TAS1R1: variants seen among roughly 807,000 people sequenced by gnomAD.
The protein encoded by TAS1R1 is taste receptor type 1 member 1.
Under a neutral mutation model 45.8 loss-of-function variants are expected in TAS1R1, and 31 were observed. That is an observed-to-expected ratio of 0.68 (90% CI 0.51 to 0.91). The LOEUF is 0.91. Ranked by LOEUF, TAS1R1 falls within the 40% of genes least tolerant of loss-of-function variation. TAS1R1 has a pLI of 0.00. For synonymous variants in TAS1R1, 437 were observed against 448.4 expected (o/e 0.97, Z 0.32); for missense variants, 1,051 against 1,063.9 (o/e 0.99, Z 0.17).
At position 6,555,967 on chromosome 1, in the gene TAS1R1, G is replaced by C. The variant is rs549373406; in HGVS notation, c.191+403G>C. Among the ~76,000 whole-genome samples the C allele has an allele frequency of 7.2e-5, 10 of 139,306 alleles. No homozygotes were observed. In the South Asian group the frequency reaches 2.3e-3, roughly 32 times the overall value. 91.4% of individuals were successfully genotyped at this position (139,306 alleles called of 152,430 possible). A position where few individuals can be genotyped will look rare whatever the true frequency, so the allele number is the denominator to read the frequency against. On this transcript the variant is annotated intron_variant, in intron 1 of 5. Transcript: ENST00000333172. ...GCTCACTGCAAGCTCCGCCTTCCGG[G>C]TTCACGCCATTCTCCTGCCTCAGCC...
chr1:6,569,569 G>T (rs1639956604), intron 1 of TAS1R1, among the ~76,000 whole-genome samples: 2 of 152,158 alleles, frequency 1.3e-5, no homozygotes, highest in South Asian at 4.1e-4. Flanking sequence ...AGACACCCAA[G>T]GGGGGTGGTC....
At chr1:6,567,484 C>T (rs1427081574) in intron 1 of TAS1R1, among the ~76,000 whole-genome samples, 3 of 150,970 alleles carry the variant, frequency 2.0e-5, no homozygotes, top group Non-Finnish European at 2.9e-5. Flanking sequence ...GGTGTGAACC[C>T]GGGAGGCGGA....
intron 1 of TAS1R1, among the ~76,000 whole-genome samples, chr1:6,558,042 G>T (rs112480013): frequency 0.17 from 24,159 of 146,276 alleles, 2,658 homozygotes; most frequent in African/African-American, 0.29. Context: ...GTTAGTTTTT[G>T]TTTTTGTTTT....
chr1:6,569,385 T>C (rs757828688), intron 1 of TAS1R1, among the ~76,000 whole-genome samples: 1 of 152,156 alleles, frequency 6.6e-6, no homozygotes, highest in African/African-American at 2.4e-5. Context: ...CCACTTCCCA[T>C]TGCAGTGGCA....
At chr1:6,559,578 G>A (rs1639745554) in intron 1 of TAS1R1, among the ~76,000 whole-genome samples, 1 of 151,300 alleles carries the variant, frequency 6.6e-6, no homozygotes, top group Non-Finnish European at 1.5e-5. Flanking sequence ...ATAATTGCTT[G>A]AACCTTGGAG....
chr1:6,572,154 G>T (rs1409489876), intron 2 of TAS1R1, among the ~76,000 whole-genome samples: 2 of 151,918 alleles, frequency 1.3e-5, no homozygotes, highest in African/African-American at 4.8e-5. Context: ...TGCCCTCATT[G>T]ACCCTCAGCC....
intron 1 of TAS1R1, among the ~76,000 whole-genome samples, chr1:6,556,385 T>TTCTGTCTATCTA (rs1639684420): frequency 1.3e-5 from 2 of 150,120 alleles, no homozygotes; most frequent in East Asian, 4.0e-4. Flanking sequence ...TTTCTTTTAT[T>TTCTGTCTATCTA]TCTATCTATC....
rs756127248 is a variant in TAS1R1, at chr1:6,578,676, G to A, written c.1618G>A (p.Gly540Arg). The A allele has an allele frequency of 6.3e-6, 10 of 1,588,250 alleles. No homozygotes were observed. In the South Asian group the frequency reaches 1.1e-4, roughly 18 times the overall value. ...AGACCTCTACAGATGCCAGCCTTGT[G>A]GGAAAGAAGAGTGGGCACCTGAGGG... ...KSDLYRCQPC[G>R]KEEWAPEGSQ... is the part of the protein sequence containing the mutation. The change falls in exon 6 of 6, where the codon GGG becomes AGG. Residue 540 changes from glycine to arginine, a missense_variant. Gly to Arg is a moderately radical substitution (Grantham distance 125). Coordinates refer to ENST00000333172, the MANE Select transcript of TAS1R1 (RefSeq NM_138697.4).
In TAS1R1 at chr1:6,574,841, A is replaced by T. The variant is rs61746706; in HGVS notation, c.709A>T (p.Ile237Phe). ...GGAGAACCAGGCCACTGGTCAGGGG[A>T]TCTGCATTGCTTTCAAGGACATCAT... Reference protein sequence around the residue: ...ALENQATGQGICIAFKDIMPF... With the variant: ...ALENQATGQGFCIAFKDIMPF... Residue 237 changes from isoleucine (I) to phenylalanine (F), a missense_variant, in exon 3 of 6, where the codon ATC becomes TTC. Coordinates refer to ENST00000333172, the MANE Select transcript of TAS1R1 (RefSeq NM_138697.4). This position sits in a 1 kb window ranked among gnomAD's most constrained non-coding sequence, Gnocchi z 4.3. The T allele has an allele frequency of 3.8e-4, 607 of 1,614,228 alleles. 8 individuals carry two copies. The South Asian group carries it at 6.5e-3, about 17-fold the overall frequency.
chr1:6,566,843 C>T (rs1396438585), intron 1 of TAS1R1, among the ~76,000 whole-genome samples: 3 of 152,190 alleles, frequency 2.0e-5, no homozygotes, highest in Non-Finnish European at 4.4e-5. Flanking sequence ...GATCTGCCCG[C>T]CTCGGCCTCC....
At chr1:6,559,927 T>G (rs889561125) in intron 1 of TAS1R1, among the ~76,000 whole-genome samples, 5 of 147,154 alleles carry the variant, frequency 3.4e-5, no homozygotes, top group East Asian at 2.0e-4. Context: ...TGGGTGGAGG[T>G]TGCAATGAGC....
chr1:6,571,488 G>T (rs900393831), intron 2 of TAS1R1, among the ~76,000 whole-genome samples: 2 of 152,186 alleles, frequency 1.3e-5, no homozygotes, highest in African/African-American at 4.8e-5. Context: ...TACCCCTGCT[G>T]CCCTCCACTT....
intron 2 of TAS1R1, among the ~76,000 whole-genome samples, chr1:6,573,583 A>G (rs969036682): frequency 2.0e-5 from 3 of 152,102 alleles, no homozygotes; most frequent in South Asian, 2.1e-4. Flanking sequence ...GTGGAAGACA[A>G]TTTTTCTAAG....
chr1:6,555,886 T>TTTTTTTTTTTTG (rs1441795030), intron 1 of TAS1R1, among the ~76,000 whole-genome samples: 1 of 130,864 alleles, frequency 7.6e-6, no homozygotes, highest in Non-Finnish European at 1.6e-5. Flanking sequence ...TTTTTTTTTT[T>TTTTTTTTTTTTG]TTTGAGACGG....
intron 1 of TAS1R1, 91 bp from the exon 2 acceptor site, chr1:6,570,818 C>T: frequency 1.6e-6 from 2 of 1,242,708 alleles, no homozygotes; most frequent in Admixed American, 2.3e-5. Flanking sequence ...TCAAAGGTTC[C>T]CTTTGCTCCC....
At position 6,577,928 on chromosome 1, in the gene TAS1R1, C is replaced by T. The variant is rs761246278; in HGVS notation, c.1595-725C>T. ...TCATCACAACTCCTACAAAAGCAGT[C>T]GTATCCTGAATTCAACCTCTTTCTC... On this transcript the variant is annotated intron_variant, in intron 5 of 5. Coordinates refer to ENST00000333172, the MANE Select transcript of TAS1R1 (RefSeq NM_138697.4). 7.9e-5 allele frequency among the ~76,000 whole-genome samples: 12 copies of T among 152,228 alleles called. 1 individual carries two copies. The highest frequency in any genetic ancestry group is 1.9e-4 in the East Asian group (1 of 5,206).
chr1:6,556,735 G>C lies in TAS1R1; in HGVS notation c.191+1171G>C, dbSNP rs140615649. 8.8e-3 allele frequency among the ~76,000 whole-genome samples: 1,340 copies of C among 152,004 alleles called. 15 individuals are homozygous for C. The highest frequency in any genetic ancestry group is 0.029 in the African/African-American group (1,220 of 41,518). The stretch of plus-strand genomic sequence containing the variant: ...TTTTAAAGAAGACAGTTGCAGCCGA[G>C]CACAGTGGCTCACGCCTGTAATCCC... On this transcript the variant is annotated intron_variant, in intron 1 of 5. Transcript: ENST00000333172.
rs1639654357 is a variant in TAS1R1, at chr1:6,555,380, C to A, written c.7C>A (p.Leu3Ile). 8.1e-6 allele frequency: 13 copies of A among 1,598,262 alleles called. No individual in the cohort carries two copies. The East Asian group carries it at 9.0e-5, about 11-fold the overall frequency. Reference protein sequence around the residue: MLLCTARLVGLQL... With the variant: MLICTARLVGLQL... ...GCGCGGGCATCTGGCCAGCATGCTG[C>A]TCTGCACGGCTCGCCTGGTCGGCCT... Residue 3 changes from leucine (L) to isoleucine (I), a missense_variant, in exon 1 of 6, where the codon CTC becomes ATC. Coordinates refer to ENST00000333172, the MANE Select transcript of TAS1R1 (RefSeq NM_138697.4).
chr1:6,573,413 C>T lies in TAS1R1; in HGVS notation c.499-1218C>T, dbSNP rs577575606. Among the ~76,000 whole-genome samples the T allele has an allele frequency of 1.3e-3, 192 of 152,078 alleles. 2 individuals are homozygous for T. The highest frequency in any genetic ancestry group is 2.1e-3 in the Non-Finnish European group (143 of 67,992). On this transcript the variant is annotated intron_variant, in intron 2 of 5. Coordinates refer to ENST00000333172, the MANE Select transcript of TAS1R1 (RefSeq NM_138697.4). ...CAGGGGTTGCAGTGAGCCAAGATCA[C>T]GCCACCGCACTCCATCCTGGGCGAC...
Sources: allele counts gnomAD v4.1 joint callset (sites outside exome capture counted in the v4.1 genomes callset), GRCh38; gene constraint gnomAD v4.1.1; non-coding constraint Gnocchi (gnomAD v3.1); transcripts MANE v1.5; gene names NCBI Gene and HGNC (gene_info 2026-07-23, HGNC 2026-07-21).